DLGAP1: variants seen among roughly 807,000 people sequenced by gnomAD.
The protein encoded by DLGAP1 is disks large-associated protein 1.
A neutral mutation model predicts 90.8 loss-of-function variants in DLGAP1; 11 were observed. That is an observed-to-expected ratio of 0.12 (90% CI 0.08 to 0.20). The LOEUF (loss-of-function observed/expected upper bound fraction) is 0.20, where lower values mean the gene tolerates loss of function less well. Ranked by LOEUF, DLGAP1 falls within the 10% of genes least tolerant of loss-of-function variation. The pLI is 1.00. For synonymous variants in DLGAP1, 558 were observed against 540.7 expected (o/e 1.03, Z -0.44); for missense variants, 1,050 against 1,333.8 (o/e 0.79, Z 3.31).
intron 2 of DLGAP1, among the ~76,000 whole-genome samples, chr18:4,073,584 C>T (rs550075681): frequency 1.4e-4 from 22 of 152,224 alleles, no homozygotes; most frequent in African/African-American, 5.3e-4. Context: ...TGGTTTAATG[C>T]ATAAATCAAA....
intron 4 of DLGAP1, among the ~76,000 whole-genome samples, chr18:3,871,992 T>C (rs1481846328): frequency 6.6e-6 from 1 of 152,072 alleles, no homozygotes; most frequent in Non-Finnish European, 1.5e-5. Flanking sequence ...TGTGAAACAA[T>C]TAGTAGAAAC....
At chr18:3,634,169 G>A (rs898727570) in intron 7 of DLGAP1, among the ~76,000 whole-genome samples, 1 of 152,008 alleles carries the variant, frequency 6.6e-6, no homozygotes, top group Non-Finnish European at 1.5e-5. Context: ...GCGGCTGGAT[G>A]AGTATTATAG....
chr18:4,321,135 C>T (rs755030995), intron 1 of DLGAP1, among the ~76,000 whole-genome samples: 56 of 152,178 alleles, frequency 3.7e-4, no homozygotes, highest in Non-Finnish European at 2.9e-5. Flanking sequence ...ACATCATTTT[C>T]CATATGCAGA....
intron 6 of DLGAP1, among the ~76,000 whole-genome samples, chr18:3,738,265 A>T (rs2062744483): frequency 6.8e-6 from 1 of 147,354 alleles, no homozygotes; most frequent in Non-Finnish European, 1.5e-5. Context: ...ACAGAATTGG[A>T]AAAAACTACT....
rs1283943423 is a variant in DLGAP1, at chr18:3,499,341, C to G, written c.2778G>C (p.Pro926=). The G allele has an allele frequency of 6.4e-7, 1 of 1,557,650 alleles. No individual in the cohort carries two copies. The highest frequency in any genetic ancestry group is 8.7e-7 in the Non-Finnish European group (1 of 1,151,780). ...VPKKPAKGPA[P]LIRERSLESS... ...TCTCCAGCGAGCGCTCCCGGATCAG[C>G]GGCGCGGGGCCCTTCGCCGGCTTCT... The change falls in exon 13 of 13, where the codon CCG becomes CCC. Residue 926 remains proline (P), a synonymous_variant. Transcript: ENST00000315677. The surrounding 1 kb of genome is among the most constrained non-coding windows in gnomAD (Gnocchi z 6.4).
At chr18:4,190,333 T>C (rs2077373638) in intron 1 of DLGAP1, among the ~76,000 whole-genome samples, 1 of 152,052 alleles carries the variant, frequency 6.6e-6, no homozygotes, top group South Asian at 2.1e-4. Flanking sequence ...ATACAATGAA[T>C]TGATCAGTGG....
chr18:4,363,699 C>T (rs2081684995), intron 1 of DLGAP1, among the ~76,000 whole-genome samples: 1 of 152,180 alleles, frequency 6.6e-6, no homozygotes, highest in African/African-American at 2.4e-5. Context: ...ATTAAAACCA[C>T]AATGAGATAC....
intron 2 of DLGAP1, among the ~76,000 whole-genome samples, chr18:4,005,641 C>T (rs76233679): frequency 0.011 from 1,723 of 152,276 alleles, 21 homozygotes; most frequent in Non-Finnish European, 0.018. Flanking sequence ...TGCATCCTCT[C>T]CCTCCTGTCA....
At chr18:3,857,304 A>T (rs8082720) in intron 4 of DLGAP1, among the ~76,000 whole-genome samples, 144,737 of 152,242 alleles carry the variant, frequency 0.95, 68,853 homozygotes, top group East Asian at 1. Context: ...GTATTATTCA[A>T]AATGGTAAAA....
rs139060805 is a variant in DLGAP1, at chr18:3,940,766, C to G, written c.-72-60626G>C. Among the ~76,000 whole-genome samples the G allele has an allele frequency of 2.6e-3, 391 of 152,334 alleles. 1 individual carries two copies. Among genetic ancestry groups the G allele is most frequent in the Middle Eastern group, 0.014 (4 of 294 alleles). ...TTCATTAATGCTTCCTTTTCTATAT[C>G]ATGTAGACCTCTGAAAAATCATTGC... On this transcript the variant is annotated intron_variant, in intron 3 of 12. Coordinates refer to ENST00000315677, the MANE Select transcript of DLGAP1 (RefSeq NM_004746.4).
intron 7 of DLGAP1, among the ~76,000 whole-genome samples, chr18:3,611,849 G>C (rs912444915): frequency 6.6e-6 from 1 of 152,230 alleles, no homozygotes; most frequent in Non-Finnish European, 1.5e-5. Context: ...AGAGAGCAGG[G>C]TGTGGATGGG....
In DLGAP1 at chr18:4,306,426, AGTGTGTGTGTGTGT is replaced by A. The variant is rs60225266; in HGVS notation, c.-267+148566_-267+148579del. On this transcript the variant is annotated intron_variant, in intron 1 of 12. Transcript: ENST00000315677. ...TGAGAATAAAAAAAGAGAAAGTAAG[AGTGTGTGTGTGTGT>A]GTGTGTGTGTGTGTGTGTGTGTGAG... Among the ~76,000 whole-genome samples the A allele has an allele frequency of 4.8e-4, 62 of 130,442 alleles. 1 individual carries two copies. Among genetic ancestry groups the A allele is most frequent in the Middle Eastern group, 3.8e-3 (1 of 264 alleles). 85.6% of individuals were successfully genotyped at this position (130,442 alleles called of 152,430 possible).
intron 6 of DLGAP1, among the ~76,000 whole-genome samples, chr18:3,732,322 T>C (rs2067363000): frequency 6.6e-6 from 1 of 152,264 alleles, no homozygotes; most frequent in Non-Finnish European, 1.5e-5. Context: ...CTCTCTTCTA[T>C]GTTGTTAGGA....
At chr18:3,667,094 TG>T (rs759779984) in intron 7 of DLGAP1, among the ~76,000 whole-genome samples, 294 of 149,084 alleles carry the variant, frequency 2.0e-3, no homozygotes, top group East Asian at 2.3e-3. Flanking sequence ...TTTTTTTTTT[TG>T]GGAGTCAGGG....
chr18:3,900,864 T>G (rs2071766861), intron 3 of DLGAP1, among the ~76,000 whole-genome samples: 1 of 152,168 alleles, frequency 6.6e-6, no homozygotes, highest in South Asian at 2.1e-4. Flanking sequence ...TATTTAGAAA[T>G]GGTTTAAAAG....
intron 7 of DLGAP1, among the ~76,000 whole-genome samples, chr18:3,725,562 A>G (rs2062140387): frequency 6.6e-6 from 1 of 152,170 alleles, no homozygotes; most frequent in Admixed American, 6.5e-5. Context: ...TGATATTCCT[A>G]CTGTAATATT....
At chr18:4,081,318 G>GA (rs1283723769) in intron 2 of DLGAP1, among the ~76,000 whole-genome samples, 31,414 of 140,146 alleles carry the variant, frequency 0.22, 4,097 homozygotes, top group Non-Finnish European at 0.32. Flanking sequence ...TCCGTCTCAG[G>GA]AAAAAAAAAA....
At chr18:3,555,586 G>C (rs993778028) in intron 9 of DLGAP1, among the ~76,000 whole-genome samples, 2 of 152,134 alleles carry the variant, frequency 1.3e-5, no homozygotes, top group African/African-American at 4.8e-5. Flanking sequence ...CGAGGCGGGC[G>C]GATCATCTGA....
chr18:4,324,627 T>C (rs1180173336), intron 1 of DLGAP1, among the ~76,000 whole-genome samples: 1 of 152,004 alleles, frequency 6.6e-6, no homozygotes, highest in Non-Finnish European at 1.5e-5. Flanking sequence ...AACAAAATAC[T>C]ACCAAATCAA....
Sources: gnomAD v4.1 joint callset for allele counts (sites outside exome capture counted in the v4.1 genomes callset) on GRCh38, gnomAD v4.1.1 for gene constraint, Gnocchi (gnomAD v3.1) non-coding constraint, MANE v1.5 for transcripts, NCBI Gene and HGNC (gene_info 2026-07-23, HGNC 2026-07-21) for gene names.